The following SCARA5 variants were observed in gnomAD, a reference collection of about 807,000 sequenced individuals.
SCARA5 encodes the protein scavenger receptor class A, member 5 (putative).
A neutral mutation model predicts 46.3 loss-of-function variants in SCARA5; 45 were observed. The observed-to-expected ratio is 0.97, with a 90% CI of 0.76 to 1.24. SCARA5 has a LOEUF of 1.24. Among genes scored for constraint, SCARA5 ranks in the 50% most tolerant of loss-of-function variants. The probability of loss-of-function intolerance (pLI) is 0.00; values close to 1 mark genes in which losing one functional copy is unlikely to be tolerated. For synonymous variants in SCARA5, 333 were observed against 306.5 expected, an observed-to-expected ratio of 1.09 and a Z score of -0.90; for missense variants, 680 against 689.0, an observed-to-expected ratio of 0.99 and a Z score of 0.15.
At chr8:27,951,212 C>G (rs896292532) in intron 3 of SCARA5, among the ~76,000 whole-genome samples, 2 of 152,218 alleles carry the variant, frequency 1.3e-5, no homozygotes, top group African/African-American at 4.8e-5. Context: ...TATGTGCCCC[C>G]AGAAAGGTCA....
chr8:27,977,847 C>T (rs530321398), intron 2 of SCARA5, among the ~76,000 whole-genome samples: 1 of 152,338 alleles, frequency 6.6e-6, no homozygotes, highest in Admixed American at 6.5e-5. Flanking sequence ...CTGGCCCAAG[C>T]AGGGATGGGC....
In SCARA5 at chr8:27,922,259, AGAGGGGAGAC is replaced by A. The variant is rs1470308976; in HGVS notation, c.242-24_242-15del. On this transcript the variant is annotated splice_polypyrimidine_tract_variant and intron_variant, in intron 3 of 8. Transcript: ENST00000354914. ...GCGGCCTGGACACTGCGGAGGAGGAAGAGGGGAGACTTGAGCACCGCTGGGGAGGAAGGCC... is the reference window on the plus strand; with the variant it reads ...GCGGCCTGGACACTGCGGAGGAGGAATTGAGCACCGCTGGGGAGGAAGGCC... 1.3e-6 allele frequency: 2 copies of A among 1,505,202 alleles called. No homozygotes were observed. Among genetic ancestry groups the A allele is most frequent in the Non-Finnish European group, 1.8e-6 (2 of 1,126,158 alleles). 93.2% of individuals were successfully genotyped at this position (1,505,202 alleles called of 1,614,324 possible).
intron 7 of SCARA5, chr8:27,903,811 C>T (rs1202086384): frequency 6.6e-6 from 1 of 151,790 alleles, no homozygotes; most frequent in African/African-American, 2.4e-5. Context: ...CGGGGGGAAG[C>T]TATTAACACA....
intron 2 of SCARA5, among the ~76,000 whole-genome samples, chr8:27,970,782 A>G (rs1258891916): frequency 3.3e-5 from 5 of 152,226 alleles, no homozygotes; most frequent in Non-Finnish European, 5.9e-5. Flanking sequence ...AGAAAGCCTG[A>G]GCCAGGACTA....
At chr8:27,975,575 C>G (rs771024013) in intron 2 of SCARA5, among the ~76,000 whole-genome samples, 3 of 152,206 alleles carry the variant, frequency 2.0e-5, no homozygotes, top group Non-Finnish European at 4.4e-5. Flanking sequence ...GGACACCCAG[C>G]TGGCATCCGT....
In SCARA5 at chr8:27,872,154, G is replaced by A. The variant is rs967606395; in HGVS notation, c.1352-84C>T. The A allele has an allele frequency of 2.7e-6, 4 of 1,468,208 alleles. No homozygotes were observed. In the African/African-American group the frequency reaches 5.5e-5, roughly 20 times the overall value. 90.9% of individuals were successfully genotyped at this position (1,468,208 alleles called of 1,614,324 possible). ...AGAGAGCATAACTGTGCCTGCCCTT[G>A]ACTTGGCTCTGCTGTACACTCAAAC... On this transcript the variant is annotated intron_variant, in intron 8 of 8. Coordinates refer to ENST00000354914, the MANE Select transcript of SCARA5 (RefSeq NM_173833.6).
chr8:27,962,777 G>A (rs1160232697), intron 3 of SCARA5, among the ~76,000 whole-genome samples: 3 of 152,180 alleles, frequency 2.0e-5, no homozygotes, highest in Non-Finnish European at 4.4e-5. Flanking sequence ...CACATTGCCC[G>A]ACAATGGGTG....
chr8:27,976,923 C>T (rs935078229), intron 2 of SCARA5, among the ~76,000 whole-genome samples: 1 of 152,242 alleles, frequency 6.6e-6, no homozygotes, highest in Non-Finnish European at 1.5e-5. Context: ...CCAGCAGGAT[C>T]GCTTGAGCCC....
At chr8:27,888,502 T>G (rs1458293628) in intron 7 of SCARA5, among the ~76,000 whole-genome samples, 2 of 152,224 alleles carry the variant, frequency 1.3e-5, no homozygotes, top group Non-Finnish European at 2.9e-5. Context: ...ATTTAGAAAT[T>G]TGCCTGTAAC....
At chr8:27,940,331 A>C (rs964973410) in intron 3 of SCARA5, among the ~76,000 whole-genome samples, 3 of 152,176 alleles carry the variant, frequency 2.0e-5, no homozygotes, top group African/African-American at 4.8e-5. Flanking sequence ...TTTGGAGCCC[A>C]AGTGTCAAAT....
chr8:27,927,328 A>T (rs999103607), intron 3 of SCARA5, among the ~76,000 whole-genome samples: 4 of 152,192 alleles, frequency 2.6e-5, no homozygotes, highest in African/African-American at 9.7e-5. Context: ...CCCTTCCCAG[A>T]GAGTTCATTT....
intron 3 of SCARA5, among the ~76,000 whole-genome samples, chr8:27,923,096 T>C (rs4732791): frequency 0.58 from 88,553 of 152,176 alleles, 26,772 homozygotes; most frequent in South Asian, 0.73. Flanking sequence ...TTCAGAGCTA[T>C]TAGCATTGCC....
At chr8:27,924,434 G>A (rs1394058819) in intron 3 of SCARA5, among the ~76,000 whole-genome samples, 1 of 152,214 alleles carries the variant, frequency 6.6e-6, no homozygotes. Flanking sequence ...CACGGCATTT[G>A]TGGTGGCCAC....
intron 2 of SCARA5, among the ~76,000 whole-genome samples, chr8:27,977,410 T>C (rs544508561): frequency 2.0e-5 from 3 of 152,308 alleles, no homozygotes; most frequent in Non-Finnish European, 2.9e-5. Context: ...GAAACCTTCC[T>C]GCATCTGCCA....
intron 3 of SCARA5, among the ~76,000 whole-genome samples, chr8:27,939,060 T>G (rs1189865970): frequency 1.3e-5 from 2 of 152,214 alleles, no homozygotes; most frequent in Non-Finnish European, 2.9e-5. Flanking sequence ...TGTTGGCCAC[T>G]TTATACCATA....
intron 8 of SCARA5, among the ~76,000 whole-genome samples, chr8:27,874,007 G>A (rs972375158): frequency 2.6e-5 from 4 of 152,226 alleles, no homozygotes; most frequent in Middle Eastern, 3.2e-3. Context: ...CCGAGATCAT[G>A]CCAGCTTGGG....
intron 3 of SCARA5, among the ~76,000 whole-genome samples, chr8:27,962,278 C>T (rs1009284257): frequency 1.3e-5 from 2 of 152,162 alleles, no homozygotes; most frequent in Non-Finnish European, 1.5e-5. Context: ...TTAATTACCT[C>T]CTTGAAAGTA....
intron 2 of SCARA5, among the ~76,000 whole-genome samples, chr8:27,967,641 G>A (rs36011589): frequency 0.041 from 6,281 of 152,238 alleles, 203 homozygotes; most frequent in Non-Finnish European, 0.067. Context: ...GGCCAGGCAC[G>A]GTGGCTCACA....
intron 2 of SCARA5, among the ~76,000 whole-genome samples, chr8:27,974,934 C>A (rs1353496656): frequency 6.6e-6 from 1 of 151,286 alleles, no homozygotes; most frequent in Non-Finnish European, 1.5e-5. Flanking sequence ...AAAAAAAAAT[C>A]TTCTAAAGCT....
Sources: gnomAD v4.1 joint callset for allele counts (sites outside exome capture counted in the v4.1 genomes callset) on GRCh38, gnomAD v4.1.1 for gene constraint, MANE v1.5 for transcripts, NCBI Gene and HGNC (gene_info 2026-07-23, HGNC 2026-07-21) for gene names.